The following HS2ST1 variants were observed in gnomAD, a reference collection of about 807,000 sequenced individuals.
The protein encoded by HS2ST1 is heparan sulfate 2-O-sulfotransferase 1, also known as 2-O-sulfotransferase.
In HS2ST1, 18 loss-of-function variants were observed where a neutral mutation model predicts 42.9. That is an observed-to-expected ratio of 0.42 (90% CI 0.29 to 0.62). The LOEUF is 0.62. HS2ST1 is among the 20% of genes least tolerant of loss of function. The pLI is 0.21. For synonymous variants in HS2ST1, 146 were observed against 152.9 expected (o/e 0.95, Z 0.33); for missense variants, 334 against 433.8 (o/e 0.77, Z 2.04).
chr1:86,932,539 G>A (rs747763083), intron 1 of HS2ST1: 1 of 151,972 alleles, frequency 6.6e-6, no homozygotes, highest in Non-Finnish European at 1.5e-5. Flanking sequence ...TTGATTTTAG[G>A]CTAGGGTCAT....
chr1:86,994,714 G>A (rs915295856), intron 1 of HS2ST1, among the ~76,000 whole-genome samples: 8 of 151,844 alleles, frequency 5.3e-5, no homozygotes, highest in African/African-American at 1.9e-4. Flanking sequence ...ATGTTTTAGG[G>A]TCTTATTACA....
chr1:87,026,125 G>T (rs1650080899), intron 1 of HS2ST1, among the ~76,000 whole-genome samples: 1 of 152,168 alleles, frequency 6.6e-6, no homozygotes, highest in Admixed American at 6.5e-5. Context: ...CAGCAAATGT[G>T]CAGACGTAAC....
intron 1 of HS2ST1, among the ~76,000 whole-genome samples, chr1:86,980,180 G>A (rs1648536508): frequency 1.3e-5 from 2 of 152,172 alleles, no homozygotes; most frequent in Admixed American, 6.5e-5. Flanking sequence ...AGTATACAGT[G>A]ATAAATGAGA....
intron 1 of HS2ST1, among the ~76,000 whole-genome samples, chr1:86,979,858 T>A (rs1196946754): frequency 6.6e-6 from 1 of 152,256 alleles, no homozygotes; most frequent in African/African-American, 2.4e-5. Flanking sequence ...TTCACATCCT[T>A]GCTAACACTT....
chr1:87,037,483 G>A (rs1178960420), intron 1 of HS2ST1, among the ~76,000 whole-genome samples: 2 of 151,584 alleles, frequency 1.3e-5, no homozygotes, highest in Non-Finnish European at 3.0e-5. Flanking sequence ...TTACAGAAAA[G>A]TCCAAAGGTT....
rs1375358172 is a variant in HS2ST1, at chr1:87,106,180, G to C, written c.*1484G>C. Reference sequence around the variant, plus strand: ...AAAGGGAAAAGTCTGCTTGTAAGCTGGTTGAAAAAGTTAATCTTGATATAA... The same window carrying C: ...AAAGGGAAAAGTCTGCTTGTAAGCTCGTTGAAAAAGTTAATCTTGATATAA... On this transcript the variant is annotated 3_prime_UTR_variant, in exon 7 of 7. Transcript: ENST00000370550. The C allele has an allele frequency of 6.6e-6, 1 of 152,410 alleles. No individual in the cohort carries two copies. The highest frequency in any genetic ancestry group is 1.5e-5 in the Non-Finnish European group (1 of 67,922). 9.4% of individuals were successfully genotyped at this position (152,410 alleles called of 1,614,324 possible). A position where few individuals can be genotyped will look rare whatever the true frequency, so the allele number is the denominator to read the frequency against.
chr1:87,019,990 A>G (rs1649868158), intron 1 of HS2ST1, among the ~76,000 whole-genome samples: 1 of 152,222 alleles, frequency 6.6e-6, no homozygotes, highest in African/African-American at 2.4e-5. Flanking sequence ...ATTATTGTAT[A>G]AGTCAATTTG....
chr1:86,923,049 A>C (rs930636592), intron 1 of HS2ST1, among the ~76,000 whole-genome samples: 16 of 152,118 alleles, frequency 1.1e-4, no homozygotes, highest in Admixed American at 9.8e-4. Context: ...TGTTTTAGAT[A>C]GTTTTTACTG....
At chr1:87,068,376 A>T (rs1211802296) in intron 1 of HS2ST1, among the ~76,000 whole-genome samples, 1 of 152,130 alleles carries the variant, frequency 6.6e-6, no homozygotes, top group African/African-American at 2.4e-5. Context: ...ATTGGTGTAT[A>T]GGAATGCTTG....
chr1:87,074,949 A>G (rs1009107738), intron 2 of HS2ST1, among the ~76,000 whole-genome samples: 3 of 151,954 alleles, frequency 2.0e-5, no homozygotes, highest in African/African-American at 7.3e-5. Context: ...TTCTTCAAAC[A>G]AGTTATATTT....
chr1:86,915,058 ATGCCGCCCAAGT>A lies in HS2ST1; in HGVS notation c.26_37del (p.Pro9_Leu12del), dbSNP rs1459496187. On this transcript the variant is annotated inframe_deletion, in exon 1 of 7. Coordinates refer to ENST00000370550, the MANE Select transcript of HS2ST1 (RefSeq NM_012262.4). Reference sequence around the variant, plus strand: ...TTTCATGGGGCTCCTCAGGATTATGATGCCGCCCAAGTTGCAGCTGCTGGCGGTGGTGGCCTT... The same window carrying A: ...TTTCATGGGGCTCCTCAGGATTATGATGCAGCTGCTGGCGGTGGTGGCCTT... 6.2e-7 allele frequency: 1 copy of A among 1,613,882 alleles called. No individual in the cohort carries two copies. Among genetic ancestry groups the A allele is most frequent in the African/African-American group, 1.3e-5 (1 of 74,870 alleles).
intron 1 of HS2ST1, among the ~76,000 whole-genome samples, chr1:86,996,536 G>A (rs1434873607): frequency 1.3e-5 from 2 of 151,690 alleles, no homozygotes; most frequent in Admixed American, 1.3e-4. Context: ...CATCTTGGCT[G>A]GAGATGGTCC....
chr1:87,033,653 C>T (rs1320605268), intron 1 of HS2ST1, among the ~76,000 whole-genome samples: 2 of 152,156 alleles, frequency 1.3e-5, no homozygotes, highest in African/African-American at 4.8e-5. Context: ...AAGCAATTCT[C>T]CTGCTTCAGC....
chr1:86,993,548 A>G (rs1649018207), intron 1 of HS2ST1, among the ~76,000 whole-genome samples: 1 of 152,200 alleles, frequency 6.6e-6, no homozygotes, highest in Admixed American at 6.5e-5. Context: ...TTCTATATAG[A>G]TAGTGTCCTT....
At chr1:87,043,792 TACA>T (rs760895927) in intron 1 of HS2ST1, among the ~76,000 whole-genome samples, 25 of 152,208 alleles carry the variant, frequency 1.6e-4, no homozygotes, top group South Asian at 2.1e-4. Context: ...AATAAATATA[TACA>T]GGAAGCTATG....
intron 1 of HS2ST1, among the ~76,000 whole-genome samples, chr1:86,966,016 G>A (rs766331825): frequency 6.6e-6 from 1 of 152,222 alleles, no homozygotes; most frequent in African/African-American, 2.4e-5. Flanking sequence ...ACAGGCTTCT[G>A]CATGAGTTTG....
chr1:86,915,749 G>A (rs1660138860), intron 1 of HS2ST1, among the ~76,000 whole-genome samples: 1 of 152,180 alleles, frequency 6.6e-6, no homozygotes, highest in Non-Finnish European at 1.5e-5. Flanking sequence ...GAGGCTGGCC[G>A]GGTAGTGCGG....
At chr1:87,025,498 T>C (rs1200845126) in intron 1 of HS2ST1, among the ~76,000 whole-genome samples, 3 of 152,178 alleles carry the variant, frequency 2.0e-5, no homozygotes, top group African/African-American at 7.2e-5. Flanking sequence ...TATAAAAGGG[T>C]AAATTTGGAA....
intron 4 of HS2ST1, among the ~76,000 whole-genome samples, chr1:87,094,680 A>G (rs1652022492): frequency 6.6e-6 from 1 of 152,178 alleles, no homozygotes; most frequent in South Asian, 2.1e-4. Flanking sequence ...TGCATATTCA[A>G]TATTCACAAA....
Sources: allele counts gnomAD v4.1 joint callset (sites outside exome capture counted in the v4.1 genomes callset), GRCh38; gene constraint gnomAD v4.1.1; transcripts MANE v1.5; gene names NCBI Gene and HGNC (gene_info 2026-07-23, HGNC 2026-07-21).